Variants in HNRNPH1 observed in about 807,000 individuals in gnomAD.
The protein encoded by HNRNPH1 is heterogeneous nuclear ribonucleoprotein H.
A neutral mutation model predicts 58.6 loss-of-function variants in HNRNPH1; 4 were observed. The ratio of observed to expected loss-of-function variants is 0.07; its 90% CI spans 0.03 to 0.16. The LOEUF is 0.16. Among genes scored for constraint, HNRNPH1 ranks in the 10% least tolerant of loss-of-function variants. The pLI is 1.00. For missense variants in HNRNPH1, 271 were observed against 564.2 expected (o/e 0.48, Z 5.26); for synonymous variants, 192 against 189.2 (o/e 1.01, Z -0.12).
chr5:179,616,557 C>T (rs757185439), intron 10 of HNRNPH1: 10 of 511,148 alleles, frequency 2.0e-5, no homozygotes, highest in African/African-American at 3.8e-5. Context: ...CATGTCAATA[C>T]ACCTAATTAT....
At chr5:179,620,789 C>T (rs1266900269) in intron 3 of HNRNPH1, 103 bp downstream of exon 4, 1 of 957,392 alleles carries the variant, frequency 1.0e-6, no homozygotes, top group African/African-American at 1.7e-5. Flanking sequence ...TGGCAATTTA[C>T]AACCTACTGA....
At chr5:179,625,935 A>ATTTC (rs1774353338), upstream of HNRNPH1, among the ~76,000 whole-genome samples, 1 of 145,582 alleles carries the variant, frequency 6.9e-6, no homozygotes, top group Non-Finnish European at 1.5e-5. Context: ...TGCTCAGATT[A>ATTTC]TTTATTTATT....
chr5:179,622,923 A>ACCCGG (rs1160394343), intron 1 of HNRNPH1, 114 bp downstream of exon 2: 179 of 131,828 alleles, frequency 1.4e-3, no homozygotes, highest in African/African-American at 4.9e-3. Flanking sequence ...CCCGGGTCCC[A>ACCCGG]CCCGGCCCGG....
chr5:179,633,610 C>A (rs1350883121), intron 2 of HNRNPH1, among the ~76,000 whole-genome samples: 1 of 152,004 alleles, frequency 6.6e-6, no homozygotes, highest in Non-Finnish European at 1.5e-5. Flanking sequence ...CCGTGCCCTG[C>A]CTGTCCAAAA....
chr5:179,617,466 G>A, intron 8 of HNRNPH1, 48 bp downstream of exon 9: 1 of 1,581,818 alleles, frequency 6.3e-7, no homozygotes, highest in South Asian at 1.1e-5. Context: ...GTAAATGTTA[G>A]TCACACAATC....
At chr5:179,618,191 G>A in exon 5 of HNRNPH1, 1 of 1,614,114 alleles carries the variant, frequency 6.2e-7, no homozygotes, top group East Asian at 2.2e-5. Context: ...CAGCTCCTCT[G>A]CCAATGCTGT....
In HNRNPH1 at chr5:179,617,750, A is replaced by C. The variant is rs755878408; in HGVS notation, c.921+49T>G. 1.9e-6 allele frequency: 3 copies of C among 1,609,294 alleles called. No homozygotes were observed. The South Asian group carries it at 3.3e-5, about 18-fold the overall frequency. On this transcript the variant is annotated intron_variant, in intron 7 of 12. Transcript: ENST00000356731. ...TGCTCACATTTATAGAATAAGGCTG[A>C]CTTACTGCCATACTGAAATATTGAC...
intron 1 of HNRNPH1, chr5:179,621,820 C>T: frequency 2.6e-6 from 1 of 384,642 alleles, no homozygotes. Flanking sequence ...CATTCAAATT[C>T]AAATTACAAG....
chr5:179,621,524 C>A, intron 1 of HNRNPH1, 127 bp from the exon 3 acceptor site: 1 of 709,302 alleles, frequency 1.4e-6, no homozygotes. Flanking sequence ...ATATACTGAC[C>A]ACGATATTAC....
intron 3 of HNRNPH1, chr5:179,620,592 G>A: frequency 3.5e-6 from 1 of 286,872 alleles, no homozygotes; most frequent in Non-Finnish European, 6.7e-6. Context: ...CCTTTAACTT[G>A]AGGTACTTAG....
At chr5:179,634,022 C>G (rs1309335895) in intron 2 of HNRNPH1, 2 of 152,182 alleles carry the variant, frequency 1.3e-5, no homozygotes, top group East Asian at 3.9e-4. Context: ...TCCCCTCCCA[C>G]AGGCGGCTAC....
At position 179,614,784 on chromosome 5, in the gene HNRNPH1, GAAAAAAAAAAAA is replaced by G. The variant is rs35827689; in HGVS notation, c.*164_*175del. ...ACTGTTAAACTGAAGTTTTCTTAAA[GAAAAAAAAAAAA>G]AAAAAAAAAAGGTTGACCAAGAGTC... On this transcript the variant is annotated 3_prime_UTR_variant, in exon 13 of 13. Transcript: ENST00000356731. 7.7e-4 allele frequency: 343 copies of G among 446,192 alleles called. 1 individual carries two copies. The East Asian group carries it at 0.012, about 15-fold the overall frequency. 27.6% of individuals were successfully genotyped at this position (446,192 alleles called of 1,614,324 possible). A position where few individuals can be genotyped will look rare whatever the true frequency, so the allele number is the denominator to read the frequency against.
At chr5:179,614,252 ATGAAAGATTT>A (rs1247489317) in exon 13 of HNRNPH1, 2 of 152,514 alleles carry the variant, frequency 1.3e-5, no homozygotes, top group Non-Finnish European at 2.9e-5. Flanking sequence ...TCACAATACA[ATGAAAGATTT>A]AAATCAAGGC....
upstream of HNRNPH1, among the ~76,000 whole-genome samples, chr5:179,626,211 C>A (rs933009796): frequency 6.6e-6 from 1 of 151,920 alleles, no homozygotes; most frequent in African/African-American, 2.4e-5. Context: ...TCAAGCAATT[C>A]TCATGCCTTA....
At chr5:179,623,912 G>A (rs762274328) in exon 1 of HNRNPH1, 6 of 152,320 alleles carry the variant, frequency 3.9e-5, no homozygotes, top group Non-Finnish European at 5.9e-5. Flanking sequence ...TTGAACTTCG[G>A]AGTCCTAGCG....
chr5:179,628,793 A>G (rs1008081330), upstream of HNRNPH1, among the ~76,000 whole-genome samples: 1 of 151,592 alleles, frequency 6.6e-6, no homozygotes, highest in African/African-American at 2.4e-5. Flanking sequence ...ATCACATCTC[A>G]TCCTTTTGGC....
At chr5:179,618,520 T>TATA in intron 4 of HNRNPH1, 197 bp from the exon 6 acceptor site, 1 of 392,528 alleles carries the variant, frequency 2.5e-6, no homozygotes, top group Non-Finnish European at 4.5e-6. Flanking sequence ...GTAAACTTTA[T>TATA]AGAAAAAAAA....
intron 10 of HNRNPH1, chr5:179,616,549 T>C (rs1421143884): frequency 3.9e-6 from 2 of 514,840 alleles, no homozygotes; most frequent in Non-Finnish European, 6.9e-6. Context: ...ATCAAAGGCA[T>C]GTCAATACAC....
In HNRNPH1 at chr5:179,620,882, G is replaced by A. The variant is rs766834461; in HGVS notation, c.397+10C>T. 1.2e-6 allele frequency: 2 copies of A among 1,612,996 alleles called. No individual in the cohort carries two copies. Among genetic ancestry groups the A allele is most frequent in the Non-Finnish European group, 1.7e-6 (2 of 1,179,366 alleles). On this transcript the variant is annotated intron_variant, in intron 3 of 12. Coordinates refer to ENST00000356731, the Ensembl canonical transcript of HNRNPH1. ...AAACTCACTGCTCAGCAACAAACATGACTACATACCTGAGAAGAACTGAAC... is the reference window on the plus strand; with the variant it reads ...AAACTCACTGCTCAGCAACAAACATAACTACATACCTGAGAAGAACTGAAC...
Sources: gnomAD v4.1 joint callset for allele counts (sites outside exome capture counted in the v4.1 genomes callset) on GRCh38, gnomAD v4.1.1 for gene constraint, MANE v1.5 for transcripts, NCBI Gene and HGNC (gene_info 2026-07-23, HGNC 2026-07-21) for gene names.